The following REDIC1 variants were observed in gnomAD, a reference collection of about 807,000 sequenced individuals.
REDIC1 encodes the protein regulator of DNA class I crossover intermediates 1, also known as HEI10 Interacting Protein 1.
chr12:39,653,517 TC>T, the REDIC1 span, among the ~76,000 whole-genome samples: 2 of 55,012 alleles, frequency 3.6e-5, no homozygotes, highest in African/African-American at 5.6e-5. Context: ...TTCTTCTTCT[TC>T]TTCTTCTTCT....
the REDIC1 span, among the ~76,000 whole-genome samples, chr12:39,641,760 A>G: frequency 1.3e-5 from 2 of 151,860 alleles, no homozygotes; most frequent in East Asian, 3.9e-4. Flanking sequence ...TAATGTTAAT[A>G]TGATCAAAGG....
chr12:39,703,916 A>G, the REDIC1 span, among the ~76,000 whole-genome samples: 13 of 152,316 alleles, frequency 8.5e-5, no homozygotes, highest in Middle Eastern at 6.8e-3. Flanking sequence ...ACCTCATACA[A>G]AAATCAATTC....
At chr12:39,799,403 C>A in the REDIC1 span, among the ~76,000 whole-genome samples, 86 of 151,992 alleles carry the variant, frequency 5.7e-4, no homozygotes, top group South Asian at 0.018. Context: ...AGCCACTAAG[C>A]TCAGTCTGTT....
the REDIC1 span, among the ~76,000 whole-genome samples, chr12:39,885,741 T>C: frequency 2.0e-5 from 3 of 152,130 alleles, no homozygotes; most frequent in Non-Finnish European, 4.4e-5. Flanking sequence ...GCTAAAACAT[T>C]TAGAGCAACA....
At chr12:39,819,734 T>C in the REDIC1 span, 1 of 152,452 alleles carries the variant, frequency 6.6e-6, no homozygotes, top group African/African-American at 2.4e-5. Flanking sequence ...TGAGTCTTTT[T>C]AATATGCTTT....
the REDIC1 span, among the ~76,000 whole-genome samples, chr12:39,862,499 C>T: frequency 1.3e-5 from 2 of 152,178 alleles, no homozygotes; most frequent in Non-Finnish European, 2.9e-5. Flanking sequence ...AATTTGTGCT[C>T]CCACTAATAG....
At chr12:39,789,227 T>C in the REDIC1 span, among the ~76,000 whole-genome samples, 1 of 152,186 alleles carries the variant, frequency 6.6e-6, no homozygotes, top group Non-Finnish European at 1.5e-5. Context: ...TGTTTTTCTG[T>C]ATAGGATATT....
At chr12:39,902,411 T>A in the REDIC1 span, among the ~76,000 whole-genome samples, 1 of 152,080 alleles carries the variant, frequency 6.6e-6, no homozygotes, top group Non-Finnish European at 1.5e-5. Flanking sequence ...GAACTATTTT[T>A]AAACTTGAAA....
At chr12:39,722,143 C>A in the REDIC1 span, among the ~76,000 whole-genome samples, 2 of 152,090 alleles carry the variant, frequency 1.3e-5, no homozygotes, top group African/African-American at 4.8e-5. Flanking sequence ...TTAAAGAAAA[C>A]AATGTTTTCA....
the REDIC1 span, among the ~76,000 whole-genome samples, chr12:39,840,179 G>C: frequency 2.0e-5 from 3 of 151,902 alleles, no homozygotes; most frequent in Non-Finnish European, 4.4e-5. Context: ...TTACAGGCAC[G>C]TGCAACCATG....
At chr12:39,830,294 C>A in the REDIC1 span, 1 of 1,558,964 alleles carries the variant, frequency 6.4e-7, no homozygotes. Context: ...ATACTGGATT[C>A]CATGTGCTTC....
At chr12:39,775,160 A>G in the REDIC1 span, among the ~76,000 whole-genome samples, 3 of 152,218 alleles carry the variant, frequency 2.0e-5, no homozygotes, top group African/African-American at 4.8e-5. Context: ...TAGAAACCAT[A>G]AAAGTCTCCC....
At chr12:39,831,476 A>G in the REDIC1 span, among the ~76,000 whole-genome samples, 227 of 152,326 alleles carry the variant, frequency 1.5e-3, no homozygotes, top group Non-Finnish European at 2.6e-3. Flanking sequence ...AAGACATACA[A>G]GTTGTCTGAA....
chr12:39,806,648 AG>A, the REDIC1 span, among the ~76,000 whole-genome samples: 1 of 152,236 alleles, frequency 6.6e-6, no homozygotes, highest in African/African-American at 2.4e-5. Flanking sequence ...AAAGAGACTC[AG>A]GAAAAGATCT....
chr12:39,831,016 C>G, the REDIC1 span, among the ~76,000 whole-genome samples: 2 of 152,260 alleles, frequency 1.3e-5, no homozygotes, highest in East Asian at 1.9e-4. Context: ...CCAACTAAAG[C>G]CTACATCATG....
At chr12:39,727,751 C>A in the REDIC1 span, among the ~76,000 whole-genome samples, 2 of 152,088 alleles carry the variant, frequency 1.3e-5, no homozygotes, top group African/African-American at 4.8e-5. Context: ...GGCAGTATGG[C>A]CATTTTCACA....
chr12:39,760,201 T>C, the REDIC1 span: 1 of 1,612,734 alleles, frequency 6.2e-7, no homozygotes, highest in Non-Finnish European at 8.5e-7. Context: ...AAGACAGCCA[T>C]AGATGAAAAG....
chr12:39,673,154 G>A, the REDIC1 span, among the ~76,000 whole-genome samples: 1 of 152,068 alleles, frequency 6.6e-6, no homozygotes, highest in Non-Finnish European at 1.5e-5. Flanking sequence ...CTCCTTCTGT[G>A]CCCCAGGTGT....
At chr12:39,854,506 T>C in the REDIC1 span, among the ~76,000 whole-genome samples, 1 of 152,196 alleles carries the variant, frequency 6.6e-6, no homozygotes, top group Non-Finnish European at 1.5e-5. Context: ...GCCTTTAACA[T>C]TTATTTGTAA....
Sources: gnomAD v4.1 joint callset for allele counts (sites outside exome capture counted in the v4.1 genomes callset) on GRCh38, gnomAD v4.1.1 for gene constraint, MANE v1.5 for transcripts, NCBI Gene and HGNC (gene_info 2026-07-23, HGNC 2026-07-21) for gene names.